The following GLDC variants were observed in gnomAD, a reference collection of about 807,000 sequenced individuals.
The protein encoded by GLDC is glycine decarboxylase.
In GLDC, 104 loss-of-function variants were observed where a neutral mutation model predicts 121.3. That is an observed-to-expected ratio of 0.86 (90% CI 0.73 to 1.01). The LOEUF (loss-of-function observed/expected upper bound fraction) is 1.01, where lower values mean the gene tolerates loss of function less well. Among genes scored for constraint, GLDC ranks in the 50% least tolerant of loss-of-function variants. The probability of loss-of-function intolerance (pLI) is 0.00; values close to 1 mark genes in which losing one functional copy is unlikely to be tolerated. For missense variants in GLDC, 1,429 were observed against 1,306.6 expected, an observed-to-expected ratio of 1.09 and a Z score of -1.44; for synonymous variants, 546 against 480.6, an observed-to-expected ratio of 1.14 and a Z score of -1.78.
rs147275962 is a variant in GLDC at position 6,556,242 on chromosome 9, C to T, written c.2113G>A (p.Val705Met). The part of the protein sequence containing the change: ...IMITYPSTNG[V>M]FEENISDVCD... ...ACGTCACTGATGTTCTCTTCAAACA[C>T]CCCATTGGTGGATGGGTATGTAATC... Residue 705 changes from valine (V) to methionine (M), a missense_variant, in exon 18 of 25, where the codon GTG (valine) becomes ATG (methionine). By Grantham distance (21) the Val-to-Met change is conservative. Transcript: ENST00000321612. The T allele has an allele frequency of 2.8e-3, 4,532 of 1,611,080 alleles. 30 individuals carry two copies. The Middle Eastern group carries it at 0.032, about 11-fold the overall frequency.
chr9:6,622,576 T>C (rs547376584), intron 2 of GLDC, among the ~76,000 whole-genome samples: 2,096 of 152,170 alleles, frequency 0.014, 54 homozygotes, highest in African/African-American at 0.048. Flanking sequence ...TGCAGTGGCG[T>C]GATCTCGGCT....
intron 1 of GLDC, 152 bp downstream of exon 1, chr9:6,645,093 G>A (rs1819713940): frequency 4.2e-6 from 3 of 711,830 alleles, no homozygotes; most frequent in South Asian, 3.9e-5. Flanking sequence ...AGGACCAAAG[G>A]CACGAATTTG....
chr9:6,537,899 C>G (rs1817169370), intron 22 of GLDC, among the ~76,000 whole-genome samples: 1 of 152,188 alleles, frequency 6.6e-6, no homozygotes, highest in African/African-American at 2.4e-5. Context: ...CTCATCCAGC[C>G]ATCCGTCTTA....
At position 6,604,660 on chromosome 9, in the gene GLDC, G is replaced by A. The variant is rs1818693141; in HGVS notation, c.986C>T (p.Pro329Leu). 6 of 1,613,974 alleles carry A rather than the reference G, an allele frequency of 3.7e-6. No individual in the cohort carries two copies. The highest frequency in any genetic ancestry group is 5.1e-6 in the Non-Finnish European group (6 of 1,179,998). ...RFGVPLGYGG[P>L]HAAFFAVRES... ...TCGGACAGCAAAAAATGCTGCATGG[G>A]GTCCCCCATAGCCCAGTGGCACTCC... Residue 329 changes from proline (P) to leucine (L), a missense_variant, in exon 7 of 25, where the codon CCC (proline) becomes CTC (leucine). Coordinates refer to ENST00000321612, the MANE Select transcript of GLDC (RefSeq NM_000170.3).
intron 4 of GLDC, among the ~76,000 whole-genome samples, chr9:6,607,685 T>A (rs910821013): frequency 2.0e-5 from 3 of 151,968 alleles, no homozygotes; most frequent in Admixed American, 6.6e-5. Flanking sequence ...GGTCTATCGC[T>A]CAGGCTGGAG....
intron 19 of GLDC, among the ~76,000 whole-genome samples, chr9:6,553,848 T>C (rs1039126209): frequency 2.2e-4 from 33 of 151,960 alleles, no homozygotes; most frequent in African/African-American, 6.3e-4. Context: ...AAGATGGACA[T>C]AGGAGGGGCT....
At chr9:6,643,043 G>A (rs1225516186) in intron 2 of GLDC, among the ~76,000 whole-genome samples, 1 of 151,822 alleles carries the variant, frequency 6.6e-6, no homozygotes, top group African/African-American at 2.4e-5. Flanking sequence ...GATTACAGGC[G>A]CACACCACCA....
chr9:6,600,923 C>G (rs1346565758), intron 8 of GLDC, among the ~76,000 whole-genome samples: 1 of 152,098 alleles, frequency 6.6e-6, no homozygotes, highest in Non-Finnish European at 1.5e-5. Context: ...GCTTGTAATC[C>G]CAACACTTTG....
chr9:6,607,071 A>G (rs759427692), intron 4 of GLDC, among the ~76,000 whole-genome samples: 1 of 152,110 alleles, frequency 6.6e-6, no homozygotes, highest in African/African-American at 2.4e-5. Flanking sequence ...TGTCTCAAAA[A>G]AAAAATTTAA....
chr9:6,541,141 G>A (rs1203023291), intron 21 of GLDC: 2 of 152,110 alleles, frequency 1.3e-5, no homozygotes, highest in Admixed American at 1.3e-4. Context: ...TTTCAGATTA[G>A]GGATATTCGA....
At chr9:6,567,970 C>T (rs1048828246) in intron 15 of GLDC, among the ~76,000 whole-genome samples, 5 of 152,192 alleles carry the variant, frequency 3.3e-5, no homozygotes, top group Admixed American at 1.3e-4. Flanking sequence ...CCAGCACAGG[C>T]AATCAATATG....
chr9:6,554,249 C>T (rs1468441003), intron 19 of GLDC, among the ~76,000 whole-genome samples: 1 of 152,048 alleles, frequency 6.6e-6, no homozygotes, highest in Non-Finnish European at 1.5e-5. Flanking sequence ...TGTTACTTAT[C>T]TCAACACCTT....
At chr9:6,631,798 G>T (rs1461830815) in intron 2 of GLDC, among the ~76,000 whole-genome samples, 1 of 152,218 alleles carries the variant, frequency 6.6e-6, no homozygotes, top group Non-Finnish European at 1.5e-5. Context: ...TGGGCACAGT[G>T]GCTCATGCCT....
chr9:6,533,184 T>A, intron 24 of GLDC, 24 bp from the exon 25 acceptor site: 1 of 1,611,746 alleles, frequency 6.2e-7, no homozygotes, highest in Non-Finnish European at 8.5e-7. Flanking sequence ...AAGATGGAAA[T>A]GCTGTGAGAT....
At chr9:6,555,702 GA>G (rs1563835554) in intron 18 of GLDC, among the ~76,000 whole-genome samples, 2 of 152,160 alleles carry the variant, frequency 1.3e-5, no homozygotes, top group African/African-American at 2.4e-5. Context: ...TGAGGCAGCA[GA>G]ACTGCTTGAA....
At chr9:6,630,030 T>C (rs1819343775) in intron 2 of GLDC, among the ~76,000 whole-genome samples, 1 of 148,420 alleles carries the variant, frequency 6.7e-6, no homozygotes, top group Non-Finnish European at 1.5e-5. Flanking sequence ...ACTCAAGCAA[T>C]CTTCCAGTCT....
intron 17 of GLDC, chr9:6,558,306 G>C (rs1817678127): frequency 3.3e-6 from 2 of 607,706 alleles, no homozygotes; most frequent in African/African-American, 1.8e-5. Context: ...GAAAGAGGCA[G>C]GCAGGTTCTG....
chr9:6,549,868 A>G (rs1254082788), intron 21 of GLDC, among the ~76,000 whole-genome samples: 2 of 152,024 alleles, frequency 1.3e-5, no homozygotes, highest in Non-Finnish European at 2.9e-5. Flanking sequence ...CGGTCTCTTC[A>G]TGAATCCCTA....
At chr9:6,548,429 A>T (rs1182477745) in intron 21 of GLDC, among the ~76,000 whole-genome samples, 4 of 152,226 alleles carry the variant, frequency 2.6e-5, no homozygotes, top group Non-Finnish European at 5.9e-5. Flanking sequence ...CCCACTTCAC[A>T]GAAGCATTTT....
Sources: allele counts gnomAD v4.1 joint callset (sites outside exome capture counted in the v4.1 genomes callset), GRCh38; gene constraint gnomAD v4.1.1; transcripts MANE v1.5; gene names NCBI Gene and HGNC (gene_info 2026-07-23, HGNC 2026-07-21).